Variants in PSMB2 observed in about 807,000 individuals in gnomAD.
The protein encoded by PSMB2 is proteasome subunit beta type-2.
Under a neutral mutation model 25.7 loss-of-function variants are expected in PSMB2, and 13 were observed. The observed-to-expected ratio is 0.51, with a 90% CI of 0.33 to 0.80. PSMB2 has a LOEUF of 0.80. PSMB2 is among the 30% of genes least tolerant of loss of function. PSMB2 has a pLI of 0.02. For missense variants in PSMB2, 202 were observed against 259.0 expected (o/e 0.78, Z 1.51); for synonymous variants, 87 against 96.2 (o/e 0.90, Z 0.56).
chr1:35,628,629 ATATTTTT>A (rs1650986488), intron 3 of PSMB2, among the ~76,000 whole-genome samples: 1 of 43,596 alleles, frequency 2.3e-5, no homozygotes, highest in African/African-American at 1.1e-4. Flanking sequence ...ATATATATAT[ATATTTTT>A]TTTTTTTTTT....
intron 3 of PSMB2, among the ~76,000 whole-genome samples, chr1:35,614,217 C>T (rs941074253): frequency 3.9e-5 from 6 of 152,166 alleles, no homozygotes; most frequent in Non-Finnish European, 8.8e-5. Flanking sequence ...TCATTTCTTC[C>T]CTTCCAAATG....
intron 3 of PSMB2, among the ~76,000 whole-genome samples, chr1:35,614,768 A>C (rs541623367): frequency 3.3e-5 from 5 of 152,300 alleles, no homozygotes; most frequent in Admixed American, 1.3e-4. Context: ...ACAAAGAAAA[A>C]ATTTTAAATG....
intron 3 of PSMB2, among the ~76,000 whole-genome samples, chr1:35,622,747 G>A (rs563541192): frequency 6.6e-6 from 1 of 151,774 alleles, no homozygotes; most frequent in Non-Finnish European, 1.5e-5. Flanking sequence ...ACAGGGAAGG[G>A]GAGGGGGAGG....
chr1:35,638,240 AT>A (rs533165399), intron 1 of PSMB2, among the ~76,000 whole-genome samples: 88 of 152,328 alleles, frequency 5.8e-4, no homozygotes, highest in African/African-American at 2.0e-3. Flanking sequence ...AACACAAGAG[AT>A]AGATACTTAG....
intron 3 of PSMB2, among the ~76,000 whole-genome samples, chr1:35,628,626 TATA>T (rs1650984114): frequency 6.0e-5 from 3 of 49,800 alleles, no homozygotes; most frequent in African/African-American, 1.7e-4. Context: ...TATATATATA[TATA>T]TATTTTTTTT....
At chr1:35,605,460 G>T (rs1032234955) in intron 4 of PSMB2, among the ~76,000 whole-genome samples, 178 bp from the exon 5 acceptor site, 1 of 152,208 alleles carries the variant, frequency 6.6e-6, no homozygotes, top group African/African-American at 2.4e-5. Flanking sequence ...CAGCTGGGGG[G>T]GCCCCAGACC....
chr1:35,641,308 C>T lies in PSMB2; in HGVS notation c.91+34G>A, dbSNP rs1330971002. 3.1e-6 allele frequency: 5 copies of T among 1,613,616 alleles called. No individual in the cohort carries two copies. In the Admixed American group the frequency reaches 6.7e-5, roughly 22 times the overall value. On this transcript the variant is annotated intron_variant, in intron 1 of 5. Transcript: ENST00000373237. ...ACTCCTTCTGGCCGCTCCTACACCC[C>T]AGGCCTGGCCGGGCCTCCCCTGCTT...
intron 2 of PSMB2, 104 bp from the exon 3 acceptor site, chr1:35,631,448 A>C: frequency 1.3e-6 from 2 of 1,553,686 alleles, no homozygotes; most frequent in Non-Finnish European, 1.7e-6. Flanking sequence ...TCTTTTGTAC[A>C]CTCAGAGTAA....
intron 4 of PSMB2, among the ~76,000 whole-genome samples, chr1:35,606,583 T>C (rs572605324): frequency 2.6e-5 from 4 of 152,256 alleles, no homozygotes; most frequent in African/African-American, 9.6e-5. Context: ...CTCATGCTCA[T>C]GGATCAGAAG....
intron 3 of PSMB2, among the ~76,000 whole-genome samples, chr1:35,619,448 T>C (rs971887151): frequency 5.3e-5 from 8 of 152,198 alleles, no homozygotes; most frequent in Admixed American, 1.3e-4. Flanking sequence ...GATAGGCCAC[T>C]TGGAGTCTTG....
chr1:35,604,801 G>C (rs1052148038), intron 5 of PSMB2, among the ~76,000 whole-genome samples: 2 of 152,084 alleles, frequency 1.3e-5, no homozygotes, highest in Non-Finnish European at 2.9e-5. Context: ...ATAAAGTCTA[G>C]AGCAGAAGTT....
At chr1:35,612,660 A>G (rs1460632734) in intron 3 of PSMB2, among the ~76,000 whole-genome samples, 1 of 152,224 alleles carries the variant, frequency 6.6e-6, no homozygotes, top group Non-Finnish European at 1.5e-5. Flanking sequence ...CCTCCCCAAG[A>G]GAATTAATAA....
chr1:35,609,030 T>C (rs541410572), intron 4 of PSMB2, among the ~76,000 whole-genome samples: 1 of 152,346 alleles, frequency 6.6e-6, no homozygotes, highest in South Asian at 2.1e-4. Flanking sequence ...ATATGTACTA[T>C]CTCATTTTGA....
chr1:35,636,051 T>G (rs1029718757), intron 2 of PSMB2, among the ~76,000 whole-genome samples: 1 of 152,256 alleles, frequency 6.6e-6, no homozygotes, highest in Non-Finnish European at 1.5e-5. Flanking sequence ...TAATTCAACA[T>G]GACTGGTATT....
At chr1:35,625,165 A>G (rs1272304884) in intron 3 of PSMB2, among the ~76,000 whole-genome samples, 5 of 152,200 alleles carry the variant, frequency 3.3e-5, no homozygotes, top group African/African-American at 1.2e-4. Flanking sequence ...TATCTTTTCA[A>G]CTTATTATTT....
chr1:35,630,349 C>T (rs992542504), intron 3 of PSMB2, among the ~76,000 whole-genome samples: 12 of 151,962 alleles, frequency 7.9e-5, no homozygotes, highest in East Asian at 7.7e-4. Context: ...TTGGTATTTA[C>T]GCAAAAAAAA....
At chr1:35,634,460 T>C (rs188252961) in intron 2 of PSMB2, among the ~76,000 whole-genome samples, 3 of 152,196 alleles carry the variant, frequency 2.0e-5, no homozygotes, top group Admixed American at 1.3e-4. Flanking sequence ...CACTGAGACC[T>C]TGAACTCCTG....
chr1:35,628,160 G>T (rs1350411119), intron 3 of PSMB2, among the ~76,000 whole-genome samples: 1 of 152,010 alleles, frequency 6.6e-6, no homozygotes, highest in Non-Finnish European at 1.5e-5. Context: ...AGGAGATGGG[G>T]GAGCAGAGAT....
rs1301374702 is a variant in PSMB2, at chr1:35,601,722, A to G, written c.*1545T>C. 1.0e-6 allele frequency: 1 copy of G among 985,368 alleles called. No homozygotes were observed. The highest frequency in any genetic ancestry group is 1.2e-6 in the Non-Finnish European group (1 of 829,958). 61.0% of individuals were successfully genotyped at this position (985,368 alleles called of 1,614,324 possible). A position where few individuals can be genotyped will look rare whatever the true frequency, so the allele number is the denominator to read the frequency against. ...CACAGAATTGGATAAAGTAGGGTTT[A>G]TCTTAGTCGGAGACCAAATGGTTTT... On this transcript the variant is annotated 3_prime_UTR_variant, in exon 6 of 6. Transcript: ENST00000373237.
Sources: allele counts gnomAD v4.1 joint callset (sites outside exome capture counted in the v4.1 genomes callset), GRCh38; gene constraint gnomAD v4.1.1; transcripts MANE v1.5; gene names NCBI Gene and HGNC (gene_info 2026-07-23, HGNC 2026-07-21).